The following NRG1 variants were observed in gnomAD, a reference collection of about 807,000 sequenced individuals.
NRG1 encodes the protein pro-neuregulin-1, membrane-bound isoform.
In NRG1, 18 loss-of-function variants were observed where a neutral mutation model predicts 63.8. The ratio of observed to expected loss-of-function variants is 0.28; its 90% CI spans 0.19 to 0.42. The LOEUF is 0.42. NRG1 is among the 10% of genes least tolerant of loss of function. The pLI, the probability that NRG1 is intolerant of heterozygous loss-of-function variation, is 1.00. For missense variants in NRG1, 762 were observed against 814.7 expected (o/e 0.94, Z 0.79); for synonymous variants, 302 against 301.3 (o/e 1.00, Z -0.02).
At chr8:31,959,644 T>C (rs954098311) in intron 1 of NRG1, among the ~76,000 whole-genome samples, 2 of 152,096 alleles carry the variant, frequency 1.3e-5, no homozygotes, top group African/African-American at 4.8e-5. Context: ...TCCAGAGAAA[T>C]TGGAGATTAT....
intron 1 of NRG1, among the ~76,000 whole-genome samples, chr8:31,693,152 T>C (rs966508319): frequency 6.6e-6 from 1 of 152,184 alleles, no homozygotes; most frequent in African/African-American, 2.4e-5. Context: ...ATTTAGGGAC[T>C]TTGTTGTCAT....
chr8:32,148,232 C>A (rs991881722), intron 1 of NRG1, among the ~76,000 whole-genome samples: 1 of 152,094 alleles, frequency 6.6e-6, no homozygotes, highest in African/African-American at 2.4e-5. Flanking sequence ...AATAATTTAT[C>A]CAGGTAGACA....
chr8:32,054,851 ATTTC>A (rs879941286), intron 1 of NRG1, among the ~76,000 whole-genome samples: 26,529 of 108,752 alleles, frequency 0.24, 4,452 homozygotes, highest in East Asian at 0.53. Context: ...TGAAAAGCAG[ATTTC>A]TTTCTTTCTT....
At chr8:31,920,270 G>C (rs1334761456) in intron 1 of NRG1, among the ~76,000 whole-genome samples, 1 of 149,548 alleles carries the variant, frequency 6.7e-6, no homozygotes, top group African/African-American at 2.5e-5. Flanking sequence ...TTGAATTACT[G>C]TCGCTGATTG....
intron 1 of NRG1, among the ~76,000 whole-genome samples, chr8:31,950,130 T>A (rs995013102): frequency 6.6e-5 from 10 of 152,090 alleles, no homozygotes; most frequent in Admixed American, 6.5e-4. Context: ...ACTGAATCAC[T>A]AGGGGACATG....
intron 1 of NRG1, among the ~76,000 whole-genome samples, chr8:32,298,767 G>A (rs1322864919): frequency 4.0e-5 from 6 of 148,568 alleles, no homozygotes; most frequent in African/African-American, 1.2e-4. Context: ...GGGGGCTCAC[G>A]CCTGTAATCC....
intron 1 of NRG1, among the ~76,000 whole-genome samples, chr8:32,160,997 G>T (rs1838764248): frequency 6.6e-6 from 1 of 152,116 alleles, no homozygotes; most frequent in African/African-American, 2.4e-5. Context: ...GACTCATCCT[G>T]AAAATTGATC....
rs576657374 is a variant in NRG1, at chr8:32,230,780, CAT to C, written c.38-365047_38-365046del. ...AATAAGTGTATATATACATGGGGTA[CAT>C]GTGAAATTTTGATACATACAATGTA... On this transcript the variant is annotated intron_variant, in intron 1 of 10. Transcript: ENST00000519301. Among the ~76,000 whole-genome samples the C allele has an allele frequency of 8.6e-4, 59 of 68,410 alleles. No homozygotes were observed. The East Asian group carries it at 0.016, about 19-fold the overall frequency. The allele number at this position is 68,410 out of a possible 152,430, so 44.9% of individuals were successfully genotyped here.
intron 1 of NRG1, among the ~76,000 whole-genome samples, chr8:32,348,953 A>G (rs1011237658): frequency 8.5e-5 from 13 of 152,250 alleles, no homozygotes; most frequent in African/African-American, 2.9e-4. Context: ...GCAACTTTAT[A>G]TCTTAGCAGA....
downstream of NRG1, among the ~76,000 whole-genome samples, chr8:32,770,258 T>G (rs1485460789): frequency 6.6e-6 from 1 of 152,198 alleles, no homozygotes; most frequent in African/African-American, 2.4e-5. Flanking sequence ...TTTTATGGCT[T>G]AAAACATCCT....
At chr8:32,158,121 C>T (rs1357875406) in intron 1 of NRG1, among the ~76,000 whole-genome samples, 1 of 151,886 alleles carries the variant, frequency 6.6e-6, no homozygotes, top group Non-Finnish European at 1.5e-5. Flanking sequence ...TTCCCTGCTC[C>T]CTCCCTGCCT....
intron 5 of NRG1, among the ~76,000 whole-genome samples, chr8:32,712,010 G>A (rs1175497236): frequency 6.6e-6 from 1 of 152,082 alleles, no homozygotes; most frequent in Non-Finnish European, 1.5e-5. Context: ...AGCCTGCGTA[G>A]GTAATAACTT....
intron 1 of NRG1, among the ~76,000 whole-genome samples, chr8:31,879,002 GA>G (rs1012358471): frequency 4.8e-5 from 7 of 146,884 alleles, no homozygotes; most frequent in East Asian, 4.0e-4. Context: ...TCCATCTCAA[GA>G]AAAAAAAAAC....
intron 1 of NRG1, among the ~76,000 whole-genome samples, chr8:32,486,313 T>A (rs1825894759): frequency 6.6e-6 from 1 of 152,214 alleles, no homozygotes; most frequent in Admixed American, 6.5e-5. Context: ...TTCAGATAGC[T>A]AACAAATTCC....
intron 1 of NRG1, among the ~76,000 whole-genome samples, chr8:31,975,889 C>T (rs1054847732): frequency 4.6e-5 from 7 of 152,138 alleles, no homozygotes; most frequent in Non-Finnish European, 8.8e-5. Flanking sequence ...TTAAACTCAA[C>T]ATTCTATTGC....
intron 5 of NRG1, among the ~76,000 whole-genome samples, chr8:32,645,882 T>C (rs781385761): frequency 6.9e-6 from 1 of 144,138 alleles, no homozygotes; most frequent in Non-Finnish European, 1.5e-5. Flanking sequence ...TAATGACTGT[T>C]GTTTTAAAAG....
chr8:32,385,186 ATTT>A (rs147889838), intron 1 of NRG1, among the ~76,000 whole-genome samples: 1 of 147,448 alleles, frequency 6.8e-6, no homozygotes, highest in African/African-American at 2.5e-5. Context: ...TGCCCGGCTA[ATTT>A]TTTTTTTTCT....
intron 1 of NRG1, among the ~76,000 whole-genome samples, chr8:32,275,475 T>C (rs1851995501): frequency 6.6e-6 from 1 of 152,102 alleles, no homozygotes; most frequent in Admixed American, 6.5e-5. Flanking sequence ...AAGTGCATTA[T>C]CTACAGTGGT....
At chr8:32,673,966 C>T (rs1986774) in intron 5 of NRG1, among the ~76,000 whole-genome samples, 6,698 of 152,160 alleles carry the variant, frequency 0.044, 659 homozygotes, top group East Asian at 0.41. Context: ...TGTGTCATGA[C>T]GAAAATTGAA....
Sources: allele counts gnomAD v4.1 joint callset (sites outside exome capture counted in the v4.1 genomes callset), GRCh38; gene constraint gnomAD v4.1.1; transcripts MANE v1.5; gene names NCBI Gene and HGNC (gene_info 2026-07-23, HGNC 2026-07-21).